MALT1: variants seen among roughly 807,000 people sequenced by gnomAD.
MALT1 encodes the protein mucosa-associated lymphoid tissue lymphoma translocation protein 1.
MALT1 carries 36 observed loss-of-function variants against 85.5 expected under a neutral mutation model. The observed-to-expected ratio is 0.42, with a 90% CI of 0.32 to 0.56. The LOEUF is 0.56. Ranked by LOEUF, MALT1 falls within the 20% of genes least tolerant of loss-of-function variation. The pLI, the probability that MALT1 is intolerant of heterozygous loss-of-function variation, is 0.10. For missense variants in MALT1, 716 were observed against 981.6 expected (o/e 0.73, Z 3.62); for synonymous variants, 359 against 361.3 (o/e 0.99, Z 0.07).
At chr18:58,695,240 T>C (rs1292881512) in intron 2 of MALT1, among the ~76,000 whole-genome samples, 1 of 152,106 alleles carries the variant, frequency 6.6e-6, no homozygotes, top group Non-Finnish European at 1.5e-5. Context: ...TTATCAGGAG[T>C]GTGAAACAGA....
At chr18:58,694,434 T>C (rs755865359) in intron 2 of MALT1, among the ~76,000 whole-genome samples, 4 of 152,144 alleles carry the variant, frequency 2.6e-5, no homozygotes, top group Non-Finnish European at 4.4e-5. Context: ...CATTGGTGGG[T>C]GGTAGAAGAA....
At position 58,750,392 on chromosome 18, in the gene MALT1, T is replaced by C. The variant is rs2055430922; in HGVS notation, c.*2550T>C. 1 of 152,572 alleles carries C rather than the reference T, an allele frequency of 6.6e-6. No individual in the cohort carries two copies. Among genetic ancestry groups the C allele is most frequent in the African/African-American group, 2.4e-5 (1 of 41,440 alleles). The allele number at this position is 152,572 out of a possible 1,614,324, so 9.5% of individuals were successfully genotyped here. ...ATCCTAGCTGTATTTTTTGCAGAAATTGACAAACTGGTAAAATTGGTAGGG... is the reference window on the plus strand; with the variant it reads ...ATCCTAGCTGTATTTTTTGCAGAAACTGACAAACTGGTAAAATTGGTAGGG... On this transcript the variant is annotated 3_prime_UTR_variant, in exon 17 of 17. Transcript: ENST00000649217.
chr18:58,709,404 A>G lies in MALT1; in HGVS notation c.676A>G (p.Lys226Glu), dbSNP rs749753080. The G allele has an allele frequency of 6.3e-7, 1 of 1,595,094 alleles. No homozygotes were observed. The highest frequency in any genetic ancestry group is 8.5e-7 in the Non-Finnish European group (1 of 1,171,550). The change falls in exon 5 of 17, where the codon AAG (lysine) becomes GAG (glutamate). Residue 226 changes from lysine (K) to glutamate (E), a missense_variant. Lys to Glu is a moderately conservative substitution (Grantham distance 56, BLOSUM62 1). Coordinates refer to ENST00000649217, the MANE Select transcript of MALT1 (RefSeq NM_006785.4). ...AAGTGTTGATGGCGTCTCTGAATCC[A>G]AGTTGCAAATCTGTGTTGAACCAAC... ...QRSVDGVSES[K>E]LQICVEPTSQ...
At chr18:58,681,085 A>G (rs2054316211) in intron 1 of MALT1, 85 bp from the exon 2 acceptor site, 2 of 1,250,860 alleles carry the variant, frequency 1.6e-6, no homozygotes, top group Non-Finnish European at 2.3e-6. Flanking sequence ...GATTTATTCC[A>G]TACAGCACCA....
chr18:58,723,368 GTT>G (rs2055011093), intron 10 of MALT1, 117 bp downstream of exon 10: 1 of 645,072 alleles, frequency 1.6e-6, no homozygotes, highest in African/African-American at 1.9e-5. Context: ...GAATGGAAGA[GTT>G]TTATTTTTCT....
intron 1 of MALT1, among the ~76,000 whole-genome samples, chr18:58,675,861 A>G (rs1440801722): frequency 6.6e-6 from 1 of 152,160 alleles, no homozygotes; most frequent in African/African-American, 2.4e-5. Context: ...CTTCTCTTGA[A>G]TGACTAAGAC....
Position 58,747,458 on chromosome 18 carries a change from T to G in MALT1, c.2091T>G (p.Asp697Glu). Residue 697 changes from aspartate (D) to glutamate (E), a missense_variant, in exon 17 of 17, where the codon GAT becomes GAG. Coordinates refer to ENST00000649217, the MANE Select transcript of MALT1 (RefSeq NM_006785.4). The stretch of plus-strand genomic sequence containing the variant: ...CATATCAGTACTCAGGATTGGAAGA[T>G]ACTGTAGAGGACAAGCAGGAAGTGA... ...CLSYQYSGLE[D>E]TVEDKQEVNV... 1 of 1,614,006 alleles carries G rather than the reference T, an allele frequency of 6.2e-7. No individual in the cohort carries two copies. The highest frequency in any genetic ancestry group is 8.5e-7 in the Non-Finnish European group (1 of 1,179,866).
intron 10 of MALT1, among the ~76,000 whole-genome samples, chr18:58,728,187 T>C (rs1344515802): frequency 6.6e-6 from 1 of 152,252 alleles, no homozygotes; most frequent in African/African-American, 2.4e-5. Flanking sequence ...AGAATTGTAT[T>C]TCTAAGTACA....
chr18:58,752,872 T>TC lies in MALT1; in HGVS notation c.*5031dup, dbSNP rs2055465683. 6.6e-6 allele frequency: 1 copy of TC among 152,194 alleles called. No homozygotes were observed. The highest frequency in any genetic ancestry group is 2.4e-5 in the African/African-American group (1 of 41,454). The allele number at this position is 152,194 out of a possible 1,614,324, so 9.4% of individuals were successfully genotyped here. The stretch of plus-strand genomic sequence containing the variant: ...TGTAAATGTGCATATTCTCTTTTTT[T>TC]CTAATTTGGTAGCATTAAAAATACT... On this transcript the variant is annotated 3_prime_UTR_variant, in exon 17 of 17. Coordinates refer to ENST00000649217, the MANE Select transcript of MALT1 (RefSeq NM_006785.4).
chr18:58,696,210 G>A (rs992694792), intron 2 of MALT1, among the ~76,000 whole-genome samples, 156 bp from the exon 3 acceptor site: 1 of 152,174 alleles, frequency 6.6e-6, no homozygotes, highest in Non-Finnish European at 1.5e-5. Context: ...CTCACAAAGT[G>A]TAAATTGATT....
In MALT1 at chr18:58,747,846, C is replaced by A. The variant is rs994147885; in HGVS notation, c.*4C>A. The A allele has an allele frequency of 3.1e-6, 5 of 1,607,780 alleles. No homozygotes were observed. Among genetic ancestry groups the A allele is most frequent in the African/African-American group, 1.3e-5 (1 of 74,626 alleles). ...GCTCAGAATTTCTGAAAAATGACCTCCTTGTTTTTGAAAGTTAGCATAATT... is the reference window on the plus strand; with the variant it reads ...GCTCAGAATTTCTGAAAAATGACCTACTTGTTTTTGAAAGTTAGCATAATT... On this transcript the variant is annotated 3_prime_UTR_variant, in exon 17 of 17. Coordinates refer to ENST00000649217, the MANE Select transcript of MALT1 (RefSeq NM_006785.4).
intron 2 of MALT1, among the ~76,000 whole-genome samples, chr18:58,689,437 T>C (rs1162050961): frequency 6.6e-6 from 1 of 152,220 alleles, no homozygotes; most frequent in African/African-American, 2.4e-5. Flanking sequence ...AGTAACTTGC[T>C]GCTGTAGTAA....
chr18:58,711,554 T>G (rs1384448992), intron 7 of MALT1, among the ~76,000 whole-genome samples: 1 of 152,214 alleles, frequency 6.6e-6, no homozygotes, highest in Non-Finnish European at 1.5e-5. Context: ...CAACATAAAC[T>G]TCTAATTTGT....
At chr18:58,671,987 C>T (rs971971018) in intron 1 of MALT1, 135 bp downstream of exon 1, 43 of 521,148 alleles carry the variant, frequency 8.3e-5, no homozygotes, top group Middle Eastern at 5.7e-4. Flanking sequence ...GGGAGGACTT[C>T]GGTCATTGAG....
chr18:58,671,946 C>G (rs2054168540), intron 1 of MALT1, 94 bp downstream of exon 1: 2 of 789,066 alleles, frequency 2.5e-6, no homozygotes, highest in Non-Finnish European at 3.4e-6. Flanking sequence ...CTGAGCGCGG[C>G]GGGGGCCGCC....
chr18:58,744,392 G>T lies in MALT1; in HGVS notation c.1808G>T (p.Gly603Val), dbSNP rs1440941314. Residue 603 changes from glycine to valine, a missense_variant, in exon 15 of 17, where the codon GGA becomes GTA. Gly to Val is a moderately radical substitution (Grantham distance 109). Coordinates refer to ENST00000649217, the MANE Select transcript of MALT1 (RefSeq NM_006785.4). ...KFDCGVQIQLGFAAEFSNVMI... is the reference protein window; with the variant it reads ...KFDCGVQIQLVFAAEFSNVMI... ...GACTGTGGTGTTCAGATTCAATTAG[G>T]ATTTGCAGCTGAGTTTTCCAATGTC... 21 of 1,610,592 alleles carry T rather than the reference G, an allele frequency of 1.3e-5. 1 individual carries two copies. The South Asian group carries it at 2.3e-4, about 18-fold the overall frequency.
chr18:58,735,099 T>C, intron 12 of MALT1, 103 bp from the exon 13 acceptor site: 1 of 985,706 alleles, frequency 1.0e-6, no homozygotes, highest in Non-Finnish European at 1.5e-6. Context: ...ACCATTCTGC[T>C]GGGTGCTTCT....
At position 58,727,616 on chromosome 18, in the gene MALT1, G is replaced by GT. The variant is rs751434443; in HGVS notation, c.1222+4376dup. On this transcript the variant is annotated intron_variant, in intron 10 of 16. Transcript: ENST00000649217. The stretch of plus-strand genomic sequence containing the variant: ...ACCCAGCCTGCCAAAGGTTTTTTGT[G>GT]TTTTTTTTTTTGTTTTTTTTTTTTT... Among the ~76,000 whole-genome samples the GT allele has an allele frequency of 7.0e-3, 850 of 121,216 alleles. 17 individuals are homozygous for GT. Among genetic ancestry groups the GT allele is most frequent in the African/African-American group, 0.022 (687 of 30,646 alleles). 79.5% of individuals were successfully genotyped at this position (121,216 alleles called of 152,430 possible). A position where few individuals can be genotyped will look rare whatever the true frequency, so the allele number is the denominator to read the frequency against.
rs1378358785 is a variant in MALT1 at position 58,751,440 on chromosome 18, T to C, written c.*3598T>C. 2 of 152,052 alleles carry C rather than the reference T, an allele frequency of 1.3e-5. No individual in the cohort carries two copies. The highest frequency in any genetic ancestry group is 4.8e-5 in the African/African-American group (2 of 41,414). 9.4% of individuals were successfully genotyped at this position (152,052 alleles called of 1,614,324 possible). ...AGAGTCCTGGCTCTGTCGCCCAGGC[T>C]GGAGTGCAGCGACATAGTCTCAGCT... On this transcript the variant is annotated 3_prime_UTR_variant, in exon 17 of 17. Transcript: ENST00000649217.
Sources: allele counts gnomAD v4.1 joint callset (sites outside exome capture counted in the v4.1 genomes callset), GRCh38; gene constraint gnomAD v4.1.1; transcripts MANE v1.5; gene names NCBI Gene and HGNC (gene_info 2026-07-23, HGNC 2026-07-21).